Variants in WHR1 observed in about 807,000 individuals in gnomAD.
WHR1 encodes MHC class III HLA-RP1.
At chr6:31,979,591 T>A in the WHR1 span, 1 of 1,608,696 alleles carries the variant, frequency 6.2e-7, no homozygotes, top group Non-Finnish European at 8.5e-7. Flanking sequence ...AGGCATCTGG[T>A]GCTTCCCTGC....
At chr6:31,979,786 T>G in the WHR1 span, 4 of 507,874 alleles carry the variant, frequency 7.9e-6, no homozygotes, top group Non-Finnish European at 1.4e-5. Context: ...TCTTGGTGGC[T>G]TATCAAAAGC....
At chr6:31,979,882 C>T in the WHR1 span, 7 of 235,058 alleles carry the variant, frequency 3.0e-5, no homozygotes, top group Non-Finnish European at 8.2e-6. Context: ...GCTGGGATAC[C>T]CCTAAACATT....
the WHR1 span, chr6:31,971,349 C>G: frequency 6.4e-7 from 1 of 1,553,026 alleles, no homozygotes; most frequent in Non-Finnish European, 8.7e-7. This position sits in a 1 kb window ranked among gnomAD's most constrained non-coding sequence, Gnocchi z 4.5. Flanking sequence ...GTTCCAGGAG[C>G]CAGCACAGCA....
the WHR1 span, chr6:31,980,675 T>C: frequency 1.9e-6 from 3 of 1,603,012 alleles, no homozygotes; most frequent in African/African-American, 1.3e-5. Context: ...GTCCTTAGCA[T>C]GGTCCGGAAG....
At chr6:31,971,568 G>A in the WHR1 span, 40,573 of 1,614,074 alleles carry the variant, frequency 0.025, 883 homozygotes, top group East Asian at 0.079. The surrounding 1 kb of genome is among the most constrained non-coding windows in gnomAD (Gnocchi z 4.5). Flanking sequence ...AGGGCCCAGA[G>A]TAGAGGGCAG....
At chr6:31,971,251 C>CTT in the WHR1 span, 1 of 1,541,596 alleles carries the variant, frequency 6.5e-7, no homozygotes, top group South Asian at 1.2e-5. This position sits in a 1 kb window ranked among gnomAD's most constrained non-coding sequence, Gnocchi z 4.5. Context: ...CTCACCCCGG[C>CTT]TTTGGCTCTC....
chr6:31,979,728 G>C, the WHR1 span: 1 of 789,700 alleles, frequency 1.3e-6, no homozygotes, highest in Non-Finnish European at 1.9e-6. Context: ...CAAGAGAGGA[G>C]GCCTATCTTA....
the WHR1 span, among the ~76,000 whole-genome samples, chr6:31,977,653 T>TAGATG: frequency 6.6e-6 from 1 of 151,890 alleles, no homozygotes; most frequent in Non-Finnish European, 1.5e-5. Flanking sequence ...CTGGCCTATT[T>TAGATG]TTGTATTTTT....
the WHR1 span, chr6:31,979,438 C>T: frequency 6.8e-6 from 11 of 1,612,906 alleles, no homozygotes; most frequent in Non-Finnish European, 8.5e-6. Flanking sequence ...TGATGGCCGA[C>T]CGTATGCTGG....
At chr6:31,972,068 C>T in the WHR1 span, 16 of 1,612,430 alleles carry the variant, frequency 9.9e-6, no homozygotes, top group Non-Finnish European at 1.3e-5. This position sits in a 1 kb window ranked among gnomAD's most constrained non-coding sequence, Gnocchi z 6.3. Context: ...CCTCCCGGGG[C>T]GGGGGAGGTG....
At chr6:31,980,710 T>C in the WHR1 span, 8 of 1,609,028 alleles carry the variant, frequency 5.0e-6, 1 homozygote, top group South Asian at 8.8e-5. Context: ...ACTGCTCCTA[T>C]CAGAGCTCCT....
chr6:31,972,322 G>A, the WHR1 span: 10 of 1,613,128 alleles, frequency 6.2e-6, no homozygotes, highest in South Asian at 9.9e-5. This position sits in a 1 kb window ranked among gnomAD's most constrained non-coding sequence, Gnocchi z 6.3. Context: ...CGGGGAGACC[G>A]TACGTCACTG....
chr6:31,979,383 G>T, the WHR1 span: 3 of 1,612,018 alleles, frequency 1.9e-6, no homozygotes, highest in Non-Finnish European at 2.5e-6. Flanking sequence ...TGAGGGTGGG[G>T]ATGGACCATG....
At chr6:31,980,636 G>A in the WHR1 span, 2 of 1,580,198 alleles carry the variant, frequency 1.3e-6, no homozygotes, top group East Asian at 2.2e-5. Flanking sequence ...CCCCTTTCCT[G>A]TGCCACTTCT....
At chr6:31,971,542 C>T in the WHR1 span, 1 of 1,614,116 alleles carries the variant, frequency 6.2e-7, no homozygotes, top group Non-Finnish European at 8.5e-7. This position sits in a 1 kb window ranked among gnomAD's most constrained non-coding sequence, Gnocchi z 4.5. Flanking sequence ...TTCCGAAGGG[C>T]GCCGGTAGAA....
the WHR1 span, among the ~76,000 whole-genome samples, chr6:31,973,613 A>G: frequency 0.052 from 7,925 of 152,246 alleles, 293 homozygotes; most frequent in African/African-American, 0.097. Flanking sequence ...GGGTGTATGT[A>G]TAGTTAGGGG....
At chr6:31,974,642 T>C in the WHR1 span, among the ~76,000 whole-genome samples, 2 of 152,168 alleles carry the variant, frequency 1.3e-5, no homozygotes, top group Non-Finnish European at 2.9e-5. Context: ...CCTATTGTTC[T>C]AGCTGTTTGG....
At chr6:31,979,056 G>A in the WHR1 span, 1 of 1,560,442 alleles carries the variant, frequency 6.4e-7, no homozygotes, top group Non-Finnish European at 8.8e-7. Context: ...GGGGAGACAG[G>A]GAACTTGGGA....
At chr6:31,973,083 G>A in the WHR1 span, 2 of 590,972 alleles carry the variant, frequency 3.4e-6, no homozygotes, top group Non-Finnish European at 6.4e-6. Flanking sequence ...TGAGGCGATG[G>A]GCTGGTAGAG....
Sources: gnomAD v4.1 joint callset for allele counts (sites outside exome capture counted in the v4.1 genomes callset) on GRCh38, gnomAD v4.1.1 for gene constraint, Gnocchi (gnomAD v3.1) non-coding constraint, MANE v1.5 for transcripts, NCBI Gene and HGNC (gene_info 2026-07-23, HGNC 2026-07-21) for gene names.